Variants in PTK2 observed in about 807,000 individuals in gnomAD.
PTK2 encodes protein tyrosine kinase 2.
PTK2 carries 45 observed loss-of-function variants against 150.1 expected under a neutral mutation model. The ratio of observed to expected loss-of-function variants is 0.30; its 90% CI spans 0.24 to 0.38. The LOEUF is 0.38. Ranked by LOEUF, PTK2 falls within the 10% of genes least tolerant of loss-of-function variation. The pLI, the probability that PTK2 is intolerant of heterozygous loss-of-function variation, is 1.00. For missense variants in PTK2, 919 were observed against 1,307.3 expected (o/e 0.70, Z 4.58); for synonymous variants, 432 against 449.2 (o/e 0.96, Z 0.48).
intron 1 of PTK2, among the ~76,000 whole-genome samples, chr8:140,993,296 C>T (rs555713201): frequency 1.5e-4 from 23 of 152,238 alleles, no homozygotes; most frequent in African/African-American, 5.1e-4. Flanking sequence ...TACAGGCATG[C>T]GCCACCGTGC....
At chr8:140,809,295 C>T in intron 10 of PTK2, among the ~76,000 whole-genome samples, 1 of 152,044 alleles carries the variant, frequency 6.6e-6, no homozygotes. Flanking sequence ...TAAACTTGTC[C>T]TTCAAAAAAC....
intron 1 of PTK2, among the ~76,000 whole-genome samples, chr8:140,988,441 C>A (rs907208314): frequency 2.6e-5 from 4 of 152,072 alleles, no homozygotes; most frequent in African/African-American, 9.7e-5. Context: ...CTACAAGACA[C>A]CCACATGGCT....
intron 14 of PTK2, among the ~76,000 whole-genome samples, chr8:140,768,335 C>T (rs6578134): frequency 0.041 from 6,211 of 152,244 alleles, 333 homozygotes; most frequent in African/African-American, 0.12. Context: ...TACACTTGCC[C>T]TGGCTAATTC....
chr8:140,970,152 C>CT (rs2100186734), intron 1 of PTK2, among the ~76,000 whole-genome samples: 1 of 152,252 alleles, frequency 6.6e-6, no homozygotes. Context: ...CTCTGCCCAT[C>CT]TCAGATGAGC....
intron 7 of PTK2, among the ~76,000 whole-genome samples, chr8:140,839,621 T>A (rs1035763252): frequency 6.6e-6 from 1 of 152,000 alleles, no homozygotes; most frequent in African/African-American, 2.4e-5. Context: ...ACGTATGGCA[T>A]AAAGATACTA....
chr8:140,705,132 A>G (rs1042468410), intron 24 of PTK2, among the ~76,000 whole-genome samples: 1 of 152,188 alleles, frequency 6.6e-6, no homozygotes, highest in African/African-American at 2.4e-5. Flanking sequence ...TAAAGAGGCT[A>G]AAATTTGCTG....
chr8:140,801,685 A>G (rs777360575), intron 11 of PTK2, among the ~76,000 whole-genome samples: 2 of 152,218 alleles, frequency 1.3e-5, no homozygotes, highest in Non-Finnish European at 2.9e-5. Context: ...TATAATTATT[A>G]TAATCATATA....
intron 1 of PTK2, among the ~76,000 whole-genome samples, chr8:140,958,887 T>C (rs968177881): frequency 2.0e-5 from 3 of 152,236 alleles, no homozygotes; most frequent in Non-Finnish European, 4.4e-5. Context: ...TTCATATCTA[T>C]AAATCCACTT....
intron 2 of PTK2, among the ~76,000 whole-genome samples, chr8:140,898,028 G>A (rs1006383997): frequency 6.6e-6 from 1 of 152,130 alleles, no homozygotes; most frequent in Non-Finnish European, 1.5e-5. Flanking sequence ...ACCAAAAACT[G>A]TTTTTACGTG....
At chr8:140,667,481 T>TA (rs1344122679) in intron 30 of PTK2, among the ~76,000 whole-genome samples, 7 of 148,930 alleles carry the variant, frequency 4.7e-5, no homozygotes, top group African/African-American at 7.5e-5. Context: ...TTTTTTTTTT[T>TA]AAAGAGATGG....
At chr8:140,795,672 G>A (rs562775338) in intron 12 of PTK2, among the ~76,000 whole-genome samples, 2 of 151,944 alleles carry the variant, frequency 1.3e-5, no homozygotes, top group South Asian at 2.1e-4. Flanking sequence ...GCACAACCCT[G>A]TCTGTTTTGT....
chr8:140,706,177 C>T (rs1031233329), exon 24 of PTK2: 2 of 1,613,534 alleles, frequency 1.2e-6, no homozygotes, highest in Non-Finnish European at 8.5e-7. Context: ...TTCGCTGGAC[C>T]TCGGACTGGG....
intron 21 of PTK2, 91 bp from the exon 25 acceptor site, chr8:140,735,546 G>A: frequency 7.6e-7 from 1 of 1,315,904 alleles, no homozygotes; most frequent in Admixed American, 1.7e-5. Flanking sequence ...AGGCACTCGA[G>A]TACCAGCTGG....
At chr8:140,796,386 C>T (rs767306800) in intron 12 of PTK2, among the ~76,000 whole-genome samples, 12 of 152,140 alleles carry the variant, frequency 7.9e-5, no homozygotes, top group Admixed American at 7.2e-4. Context: ...CTGATAGTTA[C>T]GTTTATTATC....
intron 1 of PTK2, among the ~76,000 whole-genome samples, chr8:140,942,627 CGT>C (rs975180917): frequency 1.0e-3 from 58 of 55,270 alleles, no homozygotes; most frequent in African/African-American, 1.5e-3. Context: ...TGAGTGCGTG[CGT>C]GTGTGTGTGT....
In PTK2 at chr8:140,760,628, T is replaced by C. The variant is rs1180512513; in HGVS notation, c.1332+537A>G. Among the ~76,000 whole-genome samples the C allele has an allele frequency of 5.3e-5, 8 of 152,094 alleles. No individual in the cohort carries two copies. The East Asian group carries it at 1.5e-3, about 29-fold the overall frequency. ...ATGGGTATAAAGTTTCTTTTTGAGG[T>C]GAAGAAAACGTTCCAATTGACAGTG... On this transcript the variant is annotated intron_variant, in intron 16 of 31. Transcript: ENST00000522684.
At chr8:140,744,724 G>T in exon 19 of PTK2, 1 of 1,607,280 alleles carries the variant, frequency 6.2e-7, no homozygotes, top group South Asian at 1.1e-5. Context: ...GATCAAAGAT[G>T]CTAGATCCAA....
At chr8:140,806,302 AT>A (rs998455278) in intron 10 of PTK2, among the ~76,000 whole-genome samples, 1 of 152,226 alleles carries the variant, frequency 6.6e-6, no homozygotes, top group African/African-American at 2.4e-5. Flanking sequence ...ATTTTGGAGA[AT>A]GACACCACCA....
At chr8:140,841,643 T>C (rs183466896) in intron 7 of PTK2, among the ~76,000 whole-genome samples, 78 of 152,080 alleles carry the variant, frequency 5.1e-4, no homozygotes, top group African/African-American at 1.6e-3. Flanking sequence ...CATATACACA[T>C]AGTTGAAAGA....
Sources: gnomAD v4.1 joint callset for allele counts (sites outside exome capture counted in the v4.1 genomes callset) on GRCh38, gnomAD v4.1.1 for gene constraint, MANE v1.5 for transcripts, NCBI Gene and HGNC (gene_info 2026-07-23, HGNC 2026-07-21) for gene names.